RABEP1: variants seen among roughly 807,000 people sequenced by gnomAD.
The protein encoded by RABEP1 is rabaptin, RAB GTPase binding effector protein 1.
In RABEP1, 51 loss-of-function variants were observed where a neutral mutation model predicts 123.4. The observed-to-expected ratio is 0.41, with a 90% CI of 0.33 to 0.52. RABEP1 has a LOEUF of 0.52. Among genes scored for constraint, RABEP1 ranks in the 20% least tolerant of loss-of-function variants. RABEP1 has a pLI of 0.16. For synonymous variants in RABEP1, 347 were observed against 355.2 expected, an observed-to-expected ratio of 0.98 and a Z score of 0.26; for missense variants, 888 against 996.3, an observed-to-expected ratio of 0.89 and a Z score of 1.46.
intron 2 of RABEP1, among the ~76,000 whole-genome samples, chr17:5,312,933 C>G (rs930830015): frequency 6.6e-6 from 1 of 151,952 alleles, no homozygotes; most frequent in African/African-American, 2.4e-5. Flanking sequence ...ATGGTGAAAC[C>G]CTGTCTGTAT....
intron 2 of RABEP1, among the ~76,000 whole-genome samples, chr17:5,331,482 C>T (rs1032889798): frequency 1.2e-4 from 19 of 152,082 alleles, no homozygotes; most frequent in African/African-American, 4.1e-4. Flanking sequence ...AAGAGGGAGC[C>T]GAGAAATTAA....
chr17:5,374,776 C>T (rs769993361), intron 13 of RABEP1, among the ~76,000 whole-genome samples: 5 of 152,130 alleles, frequency 3.3e-5, no homozygotes, highest in Non-Finnish European at 7.4e-5. Context: ...AGTACTGGGA[C>T]AACAGGCGCG....
intron 2 of RABEP1, among the ~76,000 whole-genome samples, chr17:5,326,305 A>G (rs1215074436): frequency 1.3e-5 from 2 of 152,238 alleles, no homozygotes; most frequent in Non-Finnish European, 2.9e-5. Context: ...ATATTATTCC[A>G]TGCTAAAAAG....
At chr17:5,314,231 A>ATTTTTTTTTTT (rs2075272537) in intron 2 of RABEP1, among the ~76,000 whole-genome samples, 2 of 35,238 alleles carry the variant, frequency 5.7e-5, no homozygotes, top group South Asian at 8.2e-4. Flanking sequence ...CTTAGTACCT[A>ATTTTTTTTTTT]TTCTTTTTTT....
chr17:5,370,512 T>A (rs1422394843), intron 12 of RABEP1, among the ~76,000 whole-genome samples: 1 of 152,206 alleles, frequency 6.6e-6, no homozygotes, highest in Non-Finnish European at 1.5e-5. Flanking sequence ...TTTAGTCACT[T>A]TTCATCTAGA....
In RABEP1 at chr17:5,295,358, C is replaced by T; in HGVS notation, c.34+12838C>T. ...GAGCTGAGATCATGCCACTGCACTC[C>T]AGCCTGGGCAACAGAGGAAGATTCC... On this transcript the variant is annotated intron_variant, in intron 1 of 17. Coordinates refer to ENST00000537505, the MANE Select transcript of RABEP1 (RefSeq NM_004703.6). 2.7e-5 allele frequency among the ~76,000 whole-genome samples: 4 copies of T among 150,062 alleles called. No individual in the cohort carries two copies. In the South Asian group the frequency reaches 8.5e-4, roughly 32 times the overall value.
At chr17:5,300,084 G>C (rs2075122954) in intron 1 of RABEP1, among the ~76,000 whole-genome samples, 2 of 152,108 alleles carry the variant, frequency 1.3e-5, no homozygotes, top group Admixed American at 1.3e-4. Flanking sequence ...AAAACTGAGG[G>C]TTATATTAGG....
intron 6 of RABEP1, among the ~76,000 whole-genome samples, chr17:5,348,703 G>T (rs1220469820): frequency 2.0e-5 from 3 of 152,036 alleles, no homozygotes; most frequent in Non-Finnish European, 4.4e-5. Flanking sequence ...TGGGACTACG[G>T]ATGCCCACCA....
chr17:5,308,171 T>TGTG (rs2075198474), intron 1 of RABEP1, among the ~76,000 whole-genome samples: 1 of 152,128 alleles, frequency 6.6e-6, no homozygotes, highest in Non-Finnish European at 1.5e-5. Context: ...TCTGTATATT[T>TGTG]GTGGTTTCAC....
chr17:5,380,327 G>T, intron 15 of RABEP1, 37 bp from the exon 16 acceptor site: 1 of 1,417,356 alleles, frequency 7.1e-7, no homozygotes, highest in Non-Finnish European at 9.7e-7. Context: ...GGCCCAGAGG[G>T]AGTTTCTGTG....
At chr17:5,327,967 G>T (rs1285329488) in intron 2 of RABEP1, among the ~76,000 whole-genome samples, 1 of 152,114 alleles carries the variant, frequency 6.6e-6, no homozygotes, top group African/African-American at 2.4e-5. Context: ...GATAAAGCAG[G>T]TTTCAGTTTC....
chr17:5,340,551 G>A (rs902144644), intron 5 of RABEP1, among the ~76,000 whole-genome samples: 3 of 150,862 alleles, frequency 2.0e-5, no homozygotes, highest in East Asian at 3.9e-4. Context: ...ACGCTAAAAT[G>A]ATAGTTAAAA....
intron 12 of RABEP1, among the ~76,000 whole-genome samples, chr17:5,370,558 G>A (rs1438637930): frequency 2.6e-5 from 4 of 151,912 alleles, no homozygotes; most frequent in East Asian, 1.9e-4. Context: ...TTAAGAATCC[G>A]GCCAATTGCT....
chr17:5,284,526 C>T (rs1333412096), intron 1 of RABEP1, among the ~76,000 whole-genome samples: 1 of 150,984 alleles, frequency 6.6e-6, no homozygotes, highest in African/African-American at 2.4e-5. Context: ...AGAGCAGTGG[C>T]GCGATCTTGG....
rs532342421 is a variant in RABEP1 at position 5,384,422 on chromosome 17, A to C, written c.*1199A>C. ...GGAATATCCAGTGGATGGATTCATC[A>C]TCCAGGAGGTTCAAAAGTAAGATGG... On this transcript the variant is annotated 3_prime_UTR_variant, in exon 18 of 18. Coordinates refer to ENST00000537505, the MANE Select transcript of RABEP1 (RefSeq NM_004703.6). 4.2e-5 allele frequency: 9 copies of C among 214,808 alleles called. No homozygotes were observed. The South Asian group carries it at 1.7e-3, about 40-fold the overall frequency. The allele number at this position is 214,808 out of a possible 1,614,324, so 13.3% of individuals were successfully genotyped here.
intron 2 of RABEP1, among the ~76,000 whole-genome samples, chr17:5,316,201 A>G (rs560455183): frequency 6.6e-6 from 1 of 152,094 alleles, no homozygotes; most frequent in African/African-American, 2.4e-5. Flanking sequence ...CTGTAATCCT[A>G]TCACTTTGGG....
intron 5 of RABEP1, among the ~76,000 whole-genome samples, chr17:5,345,427 A>G (rs1445922081): frequency 6.6e-6 from 1 of 152,206 alleles, no homozygotes; most frequent in African/African-American, 2.4e-5. Context: ...TTCAAATAGT[A>G]TGTCACTATT....
chr17:5,375,998 G>A (rs746399798), intron 13 of RABEP1, among the ~76,000 whole-genome samples: 1 of 152,012 alleles, frequency 6.6e-6, no homozygotes, highest in African/African-American at 2.4e-5. Context: ...TCTGCCTCCT[G>A]AGTAGCTGGG....
At chr17:5,317,558 G>A (rs149630198) in intron 2 of RABEP1, among the ~76,000 whole-genome samples, 90 of 151,692 alleles carry the variant, frequency 5.9e-4, no homozygotes, top group Non-Finnish European at 9.9e-4. Flanking sequence ...CTAGAAGTGA[G>A]GATCTATGTA....
Sources: allele counts gnomAD v4.1 joint callset (sites outside exome capture counted in the v4.1 genomes callset), GRCh38; gene constraint gnomAD v4.1.1; transcripts MANE v1.5; gene names NCBI Gene and HGNC (gene_info 2026-07-23, HGNC 2026-07-21).